MLKL: variants seen among roughly 807,000 people sequenced by gnomAD.
MLKL encodes mixed lineage kinase domain like pseudokinase.
Under a neutral mutation model 56.5 loss-of-function variants are expected in MLKL, and 55 were observed. That is an observed-to-expected ratio of 0.97 (90% CI 0.78 to 1.22). The LOEUF is 1.22. Among genes scored for constraint, MLKL ranks in the 50% most tolerant of loss-of-function variants. MLKL has a pLI of 0.00. For synonymous variants in MLKL, 251 were observed against 208.3 expected (o/e 1.20, Z -1.76); for missense variants, 694 against 573.9 (o/e 1.21, Z -2.14).
intron 6 of MLKL, 123 bp from the exon 7 acceptor site, chr16:74,679,103 G>A: frequency 1.4e-6 from 1 of 697,802 alleles, no homozygotes; most frequent in Admixed American, 2.5e-5. Flanking sequence ...AGTTACACAG[G>A]AAAAACTGGG....
chr16:74,684,303 G>A (rs371419358), intron 5 of MLKL, among the ~76,000 whole-genome samples: 4 of 151,998 alleles, frequency 2.6e-5, no homozygotes, highest in African/African-American at 9.6e-5. Context: ...GCCTGAGGCT[G>A]TGGAGCAACT....
chr16:74,686,983 G>A (rs920723566), intron 4 of MLKL, among the ~76,000 whole-genome samples: 2 of 152,114 alleles, frequency 1.3e-5, no homozygotes, highest in African/African-American at 4.8e-5. Flanking sequence ...TGTTTTGTTT[G>A]TTTGTTTTTT....
rs1402776840 is a variant in MLKL at position 74,691,335 on chromosome 16, A to T, written c.664T>A (p.Tyr222Asn). 6.2e-7 allele frequency: 1 copy of T among 1,613,726 alleles called. No individual in the cohort carries two copies. The highest frequency in any genetic ancestry group is 1.3e-5 in the African/African-American group (1 of 74,952). Residue 222 changes from tyrosine (Y) to asparagine (N), a missense_variant, in exon 4 of 11, where the codon TAC becomes AAC. Physicochemically the swap from Tyr to Asn is moderately radical, Grantham distance 143 (BLOSUM62 -2). Transcript: ENST00000308807. The stretch of plus-strand genomic sequence containing the variant: ...TTTATGGCCACTGGAGCTCTGTGGT[A>T]TTCTCCTTTATAAAGTGTGCTGACT... Reference protein sequence around the residue: ...NEVSTLYKGEYHRAPVAIKVF... With the variant: ...NEVSTLYKGENHRAPVAIKVF...
At chr16:74,675,861 C>T (rs975858811) in intron 7 of MLKL, 97 bp from the exon 8 acceptor site, 3 of 1,293,024 alleles carry the variant, frequency 2.3e-6, no homozygotes, top group African/African-American at 1.5e-5. Flanking sequence ...AGGGAATTGT[C>T]TTTTACCTTA....
intron 7 of MLKL, chr16:74,676,332 A>G: frequency 1.0e-6 from 1 of 985,862 alleles, no homozygotes; most frequent in Non-Finnish European, 1.2e-6. Flanking sequence ...TAGCACAATC[A>G]TGACAGCATA....
At chr16:74,693,521 A>T (rs888994110) in intron 2 of MLKL, among the ~76,000 whole-genome samples, 2 of 149,454 alleles carry the variant, frequency 1.3e-5, no homozygotes, top group Non-Finnish European at 1.5e-5. Context: ...AGTTCTGGTG[A>T]TGGATGGTCG....
At chr16:74,675,204 C>T (rs1175636553) in intron 9 of MLKL, 104 bp from the exon 10 acceptor site, 8 of 1,556,952 alleles carry the variant, frequency 5.1e-6, no homozygotes, top group Non-Finnish European at 7.0e-6. Flanking sequence ...AGTATGGAAA[C>T]AACAAGAACT....
At chr16:74,683,754 G>T (rs190110753) in intron 5 of MLKL, among the ~76,000 whole-genome samples, 19 of 152,140 alleles carry the variant, frequency 1.2e-4, no homozygotes, top group African/African-American at 1.7e-4. Context: ...GTTCACATGG[G>T]TGCTCACAAG....
chr16:74,675,175 A>G, intron 9 of MLKL, 75 bp from the exon 10 acceptor site: 1 of 1,587,582 alleles, frequency 6.3e-7, no homozygotes, highest in Non-Finnish European at 8.6e-7. Context: ...GATGGCTGGC[A>G]TCAGAACTAG....
chr16:74,682,611 C>A, intron 6 of MLKL, 40 bp downstream of exon 6: 3 of 1,609,960 alleles, frequency 1.9e-6, no homozygotes, highest in Non-Finnish European at 2.5e-6. Context: ...TGTGGACAGA[C>A]CCATCCAACC....
chr16:74,673,393 T>C (rs915170878), intron 10 of MLKL, among the ~76,000 whole-genome samples: 23 of 152,154 alleles, frequency 1.5e-4, no homozygotes, highest in Admixed American at 1.4e-3. Flanking sequence ...ATTTTTTGTA[T>C]TTTTAGTAGA....
intron 1 of MLKL, among the ~76,000 whole-genome samples, chr16:74,699,663 A>C (rs1961259116): frequency 6.6e-6 from 1 of 152,188 alleles, no homozygotes; most frequent in Non-Finnish European, 1.5e-5. Context: ...GGCCAGCTGC[A>C]GTGGCTCACA....
chr16:74,683,111 T>C (rs962989318), intron 5 of MLKL, among the ~76,000 whole-genome samples: 1 of 151,910 alleles, frequency 6.6e-6, no homozygotes, highest in Non-Finnish European at 1.5e-5. Context: ...GAGTTTGAGA[T>C]CAGCCTGGCC....
At chr16:74,676,055 G>A in intron 7 of MLKL, 1 of 353,260 alleles carries the variant, frequency 2.8e-6, no homozygotes, top group Admixed American at 4.6e-5. Flanking sequence ...GACCTGCTAA[G>A]TTGTAGTTGT....
Position 74,678,990 on chromosome 16 carries a change from C to T in MLKL, c.957-10G>A. 1 of 1,612,790 alleles carries T rather than the reference C, an allele frequency of 6.2e-7. No individual in the cohort carries two copies. Among genetic ancestry groups the T allele is most frequent in the Non-Finnish European group, 8.5e-7 (1 of 1,179,034 alleles). On this transcript the variant is annotated splice_polypyrimidine_tract_variant and intron_variant, in intron 6 of 10. Coordinates refer to ENST00000308807, the MANE Select transcript of MLKL (RefSeq NM_152649.4). Reference sequence around the variant, plus strand: ...TTCTGAATGGTGTAGCCTGACACAGCCAAAGGCGGGGAGCATAAGTACCTT... The same window carrying T: ...TTCTGAATGGTGTAGCCTGACACAGTCAAAGGCGGGGAGCATAAGTACCTT...
chr16:74,695,289 C>A lies in MLKL; in HGVS notation c.460+9G>T. On this transcript the variant is annotated intron_variant, in intron 2 of 10. Coordinates refer to ENST00000308807, the MANE Select transcript of MLKL (RefSeq NM_152649.4). Reference sequence around the variant, plus strand: ...TGCACTCCCACTCCCCACCAAAGACCCAGCTTGCCTCTTCTTAGCATCTGG... The same window carrying A: ...TGCACTCCCACTCCCCACCAAAGACACAGCTTGCCTCTTCTTAGCATCTGG... The A allele has an allele frequency of 6.8e-6, 11 of 1,611,488 alleles. No individual in the cohort carries two copies. Among genetic ancestry groups the A allele is most frequent in the Non-Finnish European group, 9.3e-6 (11 of 1,178,640 alleles).
intron 9 of MLKL, 29 bp downstream of exon 9, chr16:74,675,326 C>G: frequency 6.2e-7 from 1 of 1,614,184 alleles, no homozygotes; most frequent in Non-Finnish European, 8.5e-7. Context: ...AACCTCACCA[C>G]TGGCTGAGCC....
chr16:74,675,238 C>T, intron 9 of MLKL, 117 bp downstream of exon 9: 1 of 1,566,798 alleles, frequency 6.4e-7, no homozygotes, highest in Non-Finnish European at 8.7e-7. Flanking sequence ...CTGACCAGCC[C>T]AGGCAGTTCC....
chr16:74,699,051 T>C (rs1169597379), intron 1 of MLKL, among the ~76,000 whole-genome samples: 1 of 149,930 alleles, frequency 6.7e-6, no homozygotes, highest in East Asian at 2.0e-4. Flanking sequence ...AGGTGGAGGT[T>C]GCACTGAGCC....
Sources: gnomAD v4.1 joint callset for allele counts (sites outside exome capture counted in the v4.1 genomes callset) on GRCh38, gnomAD v4.1.1 for gene constraint, MANE v1.5 for transcripts, NCBI Gene and HGNC (gene_info 2026-07-23, HGNC 2026-07-21) for gene names.